CNTN4: variants seen among roughly 807,000 people sequenced by gnomAD.
CNTN4 encodes the protein contactin-4.
CNTN4 carries 77 observed loss-of-function variants against 122.5 expected under a neutral mutation model. That is an observed-to-expected ratio of 0.63 (90% CI 0.52 to 0.76). The LOEUF is 0.76. CNTN4 is among the 30% of genes least tolerant of loss of function. The pLI, the probability that CNTN4 is intolerant of heterozygous loss-of-function variation, is 0.00. For missense variants in CNTN4, 1,256 were observed against 1,259.1 expected (o/e 1.00, Z 0.04); for synonymous variants, 512 against 447.0 (o/e 1.15, Z -1.83).
Position 3,042,803 on chromosome 3 carries a change from C to G in CNTN4, c.2512-174C>G, listed in dbSNP as rs530909449. 1.1e-5 allele frequency: 7 copies of G among 640,478 alleles called. No homozygotes were observed. In the South Asian group the frequency reaches 1.2e-4, roughly 11 times the overall value. The allele number at this position is 640,478 out of a possible 1,614,324, so 39.7% of individuals were successfully genotyped here. On this transcript the variant is annotated intron_variant, in intron 21 of 24. Transcript: ENST00000418658. ...AGCTAAGGACAAAAAAGGGACCCTT[C>G]TTACTTTGGATAATTTCTCAGGATA...
intron 13 of CNTN4, among the ~76,000 whole-genome samples, chr3:2,935,039 T>A (rs966262854): frequency 9.2e-5 from 14 of 152,042 alleles, no homozygotes; most frequent in African/African-American, 3.1e-4. Context: ...TTAGGGAGAT[T>A]GGTGTTTTAA....
intron 7 of CNTN4, among the ~76,000 whole-genome samples, chr3:2,828,103 C>CTG (rs1559550438): frequency 1.3e-5 from 2 of 151,974 alleles, no homozygotes; most frequent in African/African-American, 2.4e-5. Flanking sequence ...TTCTCTCTCT[C>CTG]TCTCTCTCTC....
At chr3:2,525,243 G>C (rs1197178586) in intron 3 of CNTN4, among the ~76,000 whole-genome samples, 1 of 152,048 alleles carries the variant, frequency 6.6e-6, no homozygotes, top group Non-Finnish European at 1.5e-5. Context: ...GTATTCTATG[G>C]GGACTGCCTT....
intron 8 of CNTN4, among the ~76,000 whole-genome samples, chr3:2,879,377 A>C (rs563126346): frequency 6.6e-6 from 1 of 152,320 alleles, no homozygotes; most frequent in Admixed American, 6.5e-5. Flanking sequence ...CTAGAACTGT[A>C]AGAGAATAAA....
intron 6 of CNTN4, among the ~76,000 whole-genome samples, chr3:2,809,413 G>C (rs1038187902): frequency 1.3e-5 from 2 of 152,322 alleles, no homozygotes; most frequent in East Asian, 3.9e-4. Flanking sequence ...AAAGCAAAAT[G>C]TGGCCATTAC....
intron 13 of CNTN4, among the ~76,000 whole-genome samples, chr3:2,951,081 A>G (rs1559709651): frequency 6.6e-6 from 1 of 152,222 alleles, no homozygotes; most frequent in Non-Finnish European, 1.5e-5. Context: ...AGAAAGGGTT[A>G]TATGAGGTAA....
chr3:3,046,040 C>A (rs6762020), intron 23 of CNTN4, among the ~76,000 whole-genome samples: 13,146 of 152,076 alleles, frequency 0.086, 683 homozygotes, highest in Admixed American at 0.11. Context: ...GATGGAAGAT[C>A]AAATGAATGA....
At chr3:2,897,044 C>G (rs147914172) in intron 10 of CNTN4, among the ~76,000 whole-genome samples, 1 of 148,260 alleles carries the variant, frequency 6.7e-6, no homozygotes, top group Non-Finnish European at 1.5e-5. Context: ...TTTAGAAAAT[C>G]GAAGCGCCAA....
chr3:2,708,185 C>T (rs940784946), intron 4 of CNTN4, among the ~76,000 whole-genome samples: 2 of 152,116 alleles, frequency 1.3e-5, no homozygotes, highest in Non-Finnish European at 2.9e-5. Context: ...TAGTTATTTA[C>T]TTCAAAATGA....
At position 2,767,109 on chromosome 3, in the gene CNTN4, A is replaced by G. The variant is rs9883731; in HGVS notation, c.358+21412A>G. Among the ~76,000 whole-genome samples the G allele has an allele frequency of 3.2e-3, 483 of 152,364 alleles. 3 individuals are homozygous for G. Among genetic ancestry groups the G allele is most frequent in the African/African-American group, 0.011 (470 of 41,586 alleles). On this transcript the variant is annotated intron_variant, in intron 6 of 24. Coordinates refer to ENST00000418658, the MANE Select transcript of CNTN4 (RefSeq NM_175607.3). ...TTTTTTATTAGATCTCAAAAAAAAT[A>G]TACCAGGCTAATAAGTCATTCCATG...
intron 3 of CNTN4, among the ~76,000 whole-genome samples, chr3:2,346,061 AT>A (rs1398641046): frequency 5.9e-5 from 9 of 151,992 alleles, no homozygotes; most frequent in African/African-American, 1.9e-4. Flanking sequence ...AGGGAATTGA[AT>A]TTTTTTGCAC....
At chr3:3,032,520 T>C (rs1325707389) in intron 16 of CNTN4, among the ~76,000 whole-genome samples, 1 of 152,250 alleles carries the variant, frequency 6.6e-6, no homozygotes, top group Non-Finnish European at 1.5e-5. Flanking sequence ...TCTTTCATTT[T>C]ATCTCCTTCT....
At chr3:2,175,550 A>T (rs2036713235) in intron 2 of CNTN4, among the ~76,000 whole-genome samples, 1 of 152,224 alleles carries the variant, frequency 6.6e-6, no homozygotes, top group African/African-American at 2.4e-5. Context: ...AAAATTAAGA[A>T]TACGGGGAAA....
At chr3:2,168,047 C>G (rs2727929) in intron 2 of CNTN4, among the ~76,000 whole-genome samples, 59 of 151,796 alleles carry the variant, frequency 3.9e-4, no homozygotes, top group African/African-American at 1.3e-3. Flanking sequence ...CCAGGAGGAT[C>G]GCTTGAGTCC....
chr3:2,726,912 CTG>C (rs1316667854), intron 4 of CNTN4, among the ~76,000 whole-genome samples: 4 of 152,186 alleles, frequency 2.6e-5, no homozygotes, highest in African/African-American at 4.8e-5. Context: ...ATACGGGAAA[CTG>C]TGTGGAGAAG....
rs71058631 is a variant in CNTN4 at position 2,617,419 on chromosome 3, C to CTTTTTTT, written c.55+45874_55+45880dup. On this transcript the variant is annotated intron_variant, in intron 4 of 24. Transcript: ENST00000418658. ...ACATCACTGATCTTTAGAGAAATGC[C>CTTTTTTT]TTTTTTTTTTTTTTTTTTTGAGACA... 9.3e-4 allele frequency among the ~76,000 whole-genome samples: 101 copies of CTTTTTTT among 108,516 alleles called. 4 individuals are homozygous for CTTTTTTT. Among genetic ancestry groups the CTTTTTTT allele is most frequent in the Middle Eastern group, 6.9e-3 (1 of 144 alleles). 71.2% of individuals were successfully genotyped at this position (108,516 alleles called of 152,430 possible).
chr3:3,005,186 G>C (rs1000201460), intron 14 of CNTN4, among the ~76,000 whole-genome samples: 1 of 152,148 alleles, frequency 6.6e-6, no homozygotes, highest in Non-Finnish European at 1.5e-5. Flanking sequence ...TTCACACCGA[G>C]GCTAATCTCC....
At chr3:2,303,646 C>T (rs1055004858) in intron 2 of CNTN4, among the ~76,000 whole-genome samples, 1 of 152,120 alleles carries the variant, frequency 6.6e-6, no homozygotes, top group Non-Finnish European at 1.5e-5. Context: ...ATCTGTCTTT[C>T]TCATGACTTT....
At chr3:2,711,404 A>G (rs2081340872) in intron 4 of CNTN4, among the ~76,000 whole-genome samples, 1 of 152,190 alleles carries the variant, frequency 6.6e-6, no homozygotes, top group Non-Finnish European at 1.5e-5. Context: ...AAATGTTAGA[A>G]ACTCATTTAA....
Sources: gnomAD v4.1 joint callset for allele counts (sites outside exome capture counted in the v4.1 genomes callset) on GRCh38, gnomAD v4.1.1 for gene constraint, MANE v1.5 for transcripts, NCBI Gene and HGNC (gene_info 2026-07-23, HGNC 2026-07-21) for gene names.